The following C11orf97 variants were observed in gnomAD, a reference collection of about 807,000 sequenced individuals.
The protein encoded by C11orf97 is uncharacterized protein C11orf97.
Under a neutral mutation model 16.2 loss-of-function variants are expected in C11orf97, and 15 were observed. The ratio of observed to expected loss-of-function variants is 0.93; its 90% confidence interval spans 0.62 to 1.43. The LOEUF (loss-of-function observed/expected upper bound fraction) is 1.43. C11orf97 is among the 40% of genes most tolerant of loss of function. The pLI is 0.00. For synonymous variants in C11orf97, 61 were observed against 65.7 expected (o/e 0.93, Z 0.34); for missense variants, 171 against 161.2 (o/e 1.06, Z -0.33).
chr11:94,523,308 G>A (rs1312213691), intron 2 of C11orf97, among the ~76,000 whole-genome samples: 1 of 152,156 alleles, frequency 6.6e-6, no homozygotes, highest in Non-Finnish European at 1.5e-5. Flanking sequence ...CAACATATAT[G>A]CATGGATCTA....
chr11:94,513,579 C>T (rs907936238), intron 1 of C11orf97, among the ~76,000 whole-genome samples: 2 of 152,198 alleles, frequency 1.3e-5, no homozygotes, highest in African/African-American at 4.8e-5. Context: ...TGGGCTGAAG[C>T]ACCTCCATAC....
At chr11:94,518,350 G>A (rs1485912119) in intron 2 of C11orf97, among the ~76,000 whole-genome samples, 1 of 152,086 alleles carries the variant, frequency 6.6e-6, no homozygotes, top group African/African-American at 2.4e-5. Flanking sequence ...TTACCTGGGA[G>A]CTTGTTAAAA....
intron 1 of C11orf97, among the ~76,000 whole-genome samples, 192 bp from the exon 2 acceptor site, chr11:94,517,391 C>T (rs1025713580): frequency 3.9e-5 from 6 of 152,124 alleles, no homozygotes; most frequent in African/African-American, 1.2e-4. Context: ...TACATGAAAA[C>T]GTGAAGTCCC....
chr11:94,516,930 C>G (rs1947615690), intron 1 of C11orf97, among the ~76,000 whole-genome samples: 1 of 152,146 alleles, frequency 6.6e-6, no homozygotes, highest in African/African-American at 2.4e-5. Flanking sequence ...GGCCCAATAG[C>G]ACAGAGCTCT....
chr11:94,515,049 G>A (rs72980423), intron 1 of C11orf97, among the ~76,000 whole-genome samples: 6,286 of 152,234 alleles, frequency 0.041, 187 homozygotes, highest in Non-Finnish European at 0.065. Flanking sequence ...TTCTAGGTAT[G>A]AACTGATTAG....
chr11:94,531,321 C>A (rs7934183), intron 3 of C11orf97, among the ~76,000 whole-genome samples: 42,033 of 151,568 alleles, frequency 0.28, 6,450 homozygotes, highest in African/African-American at 0.41. Context: ...CGCTTCTAGT[C>A]CCAGCTACTC....
intron 2 of C11orf97, among the ~76,000 whole-genome samples, chr11:94,518,583 G>T (rs2135179101): frequency 6.6e-6 from 1 of 152,268 alleles, no homozygotes; most frequent in Middle Eastern, 3.4e-3. Flanking sequence ...CTTATTGATG[G>T]TTCATGTGTG....
At chr11:94,528,441 G>A (rs1026489254) in intron 3 of C11orf97, among the ~76,000 whole-genome samples, 1 of 152,226 alleles carries the variant, frequency 6.6e-6, no homozygotes, top group Non-Finnish European at 1.5e-5. Flanking sequence ...CATCCTCTGA[G>A]TTACACTCAT....
At chr11:94,517,358 A>T (rs1947619041) in intron 1 of C11orf97, among the ~76,000 whole-genome samples, 1 of 152,218 alleles carries the variant, frequency 6.6e-6, no homozygotes, top group Non-Finnish European at 1.5e-5. Flanking sequence ...GGTACCTGAA[A>T]CTTACCCTGC....
chr11:94,516,152 T>C (rs1038664692), intron 1 of C11orf97, among the ~76,000 whole-genome samples: 1 of 152,208 alleles, frequency 6.6e-6, no homozygotes, highest in Admixed American at 6.5e-5. Flanking sequence ...TGACCAGGAA[T>C]GACCTGGGAT....
intron 1 of C11orf97, among the ~76,000 whole-genome samples, chr11:94,513,861 T>G (rs374199767): frequency 6.6e-6 from 1 of 152,184 alleles, no homozygotes; most frequent in Admixed American, 6.5e-5. Context: ...CAGGCTGGAG[T>G]GCAGTGGCAT....
At chr11:94,531,471 T>A (rs1391676859) in intron 3 of C11orf97, among the ~76,000 whole-genome samples, 3 of 145,762 alleles carry the variant, frequency 2.1e-5, no homozygotes, top group Non-Finnish European at 3.0e-5. Context: ...ACGGTAATGG[T>A]TGATGACAAA....
intron 1 of C11orf97, among the ~76,000 whole-genome samples, chr11:94,517,159 G>A (rs912466234): frequency 2.0e-5 from 3 of 152,108 alleles, no homozygotes; most frequent in Admixed American, 1.3e-4. Context: ...CTGAGATTTT[G>A]TTCTCTCTTC....
intron 1 of C11orf97, among the ~76,000 whole-genome samples, chr11:94,515,798 T>G (rs775620672): frequency 2.0e-5 from 3 of 152,082 alleles, no homozygotes; most frequent in Non-Finnish European, 4.4e-5. Context: ...TACTAGCTCC[T>G]TAGTACTCTC....
Position 94,528,187 on chromosome 11 carries a change from C to T in C11orf97, c.354C>T (p.Tyr118=), listed in dbSNP as rs1311181861. The change falls in exon 3 of 4, where the codon TAC becomes TAT. Residue 118 remains tyrosine (Y), a synonymous_variant. Coordinates refer to ENST00000542198, the MANE Select transcript of C11orf97 (RefSeq NM_001190462.2). The part of the protein sequence containing the change: ...RNSLLPQAKY[Y]SRHGGLRR ...GTTTATTGCCACAAGCCAAGTACTACTCCAGGCACGGAGGACTCAGAAGTA... is the reference window on the plus strand; with the variant it reads ...GTTTATTGCCACAAGCCAAGTACTATTCCAGGCACGGAGGACTCAGAAGTA... The T allele has an allele frequency of 1.3e-6, 2 of 1,535,538 alleles. No individual in the cohort carries two copies. Among genetic ancestry groups the T allele is most frequent in the Middle Eastern group, 1.7e-4 (1 of 5,988 alleles).
intron 1 of C11orf97, among the ~76,000 whole-genome samples, chr11:94,515,722 T>C (rs537528324): frequency 2.0e-5 from 3 of 152,056 alleles, no homozygotes; most frequent in South Asian, 4.2e-4. Flanking sequence ...AACCTTTTTC[T>C]GCCTGAAAGT....
At chr11:94,531,829 G>A in intron 3 of C11orf97, 67 bp from the exon 4 acceptor site, 1 of 1,232,112 alleles carries the variant, frequency 8.1e-7, no homozygotes, top group Non-Finnish European at 1.1e-6. Flanking sequence ...AGATTAAAAT[G>A]GGTGAGATTA....
At position 94,517,603 on chromosome 11, in the gene C11orf97, G is replaced by A. The variant is rs1164789584; in HGVS notation, c.166G>A (p.Glu56Lys). ...TATAGGGAAGAAATTTTTATATTGT[G>A]AGCCACATAAGAGAATTAAGGAAGT... ...GQQWKKFLYC[E>K]PHKRIKEVLE... The change falls in exon 2 of 4, where the codon GAG becomes AAG. Residue 56 changes from glutamate (E) to lysine (K), a missense_variant. Coordinates refer to ENST00000542198, the MANE Select transcript of C11orf97 (RefSeq NM_001190462.2). 4.6e-6 allele frequency: 7 copies of A among 1,527,464 alleles called. No homozygotes were observed. Among genetic ancestry groups the A allele is most frequent in the Non-Finnish European group, 6.1e-6 (7 of 1,143,456 alleles). 94.6% of individuals were successfully genotyped at this position (1,527,464 alleles called of 1,614,324 possible). A position where few individuals can be genotyped will look rare whatever the true frequency, so the allele number is the denominator to read the frequency against.
chr11:94,517,936 T>A (rs749518895), intron 2 of C11orf97, among the ~76,000 whole-genome samples: 46 of 151,938 alleles, frequency 3.0e-4, no homozygotes, highest in Admixed American at 5.9e-4. Flanking sequence ...GATCACGAGG[T>A]CAGGAGATTG....
Sources: allele counts gnomAD v4.1 joint callset (sites outside exome capture counted in the v4.1 genomes callset), GRCh38; gene constraint gnomAD v4.1.1; transcripts MANE v1.5; gene names NCBI Gene and HGNC (gene_info 2026-07-23, HGNC 2026-07-21).